The following KAZN variants were observed in gnomAD, a reference collection of about 807,000 sequenced individuals.
KAZN encodes the protein kazrin.
In KAZN, 40 loss-of-function variants were observed where a neutral mutation model predicts 87.4. The observed-to-expected ratio is 0.46, with a 90% CI of 0.36 to 0.60. The LOEUF (loss-of-function observed/expected upper bound fraction) is 0.60, where lower values mean the gene tolerates loss of function less well. Ranked by LOEUF, KAZN falls within the 20% of genes least tolerant of loss-of-function variation. KAZN has a pLI of 0.00. For missense variants in KAZN, 898 were observed against 1,073.9 expected (o/e 0.84, Z 2.29); for synonymous variants, 466 against 458.3 (o/e 1.02, Z -0.22).
Position 14,373,357 on chromosome 1 carries a change from G to T in KAZN, c.249+192765G>T, listed in dbSNP as rs1014322738. Reference sequence around the variant, plus strand: ...TTCCAGTCTAAGTCCAAAGGCCTGAGAACCAGGAGTCCTGATGGTGTAAGT... The same window carrying T: ...TTCCAGTCTAAGTCCAAAGGCCTGATAACCAGGAGTCCTGATGGTGTAAGT... On this transcript the variant is annotated intron_variant, in intron 2 of 16. Transcript: ENST00000636203. 2.6e-5 allele frequency among the ~76,000 whole-genome samples: 4 copies of T among 152,248 alleles called. No homozygotes were observed. In the East Asian group the frequency reaches 7.7e-4, roughly 29 times the overall value.
chr1:14,196,528 G>C lies in KAZN; in HGVS notation c.249+15936G>C, dbSNP rs1570989054. 3.9e-5 allele frequency among the ~76,000 whole-genome samples: 6 copies of C among 152,168 alleles called. 1 individual carries two copies. The South Asian group carries it at 1.2e-3, about 32-fold the overall frequency. On this transcript the variant is annotated intron_variant, in intron 2 of 16. Coordinates refer to the KAZN transcript ENST00000636203. Reference sequence around the variant, plus strand: ...GTGAGAGAGAAAGAGAGGAGTCAAGGGCAACCCTGAGGATTTTGGCTTGGG... The same window carrying C: ...GTGAGAGAGAAAGAGAGGAGTCAAGCGCAACCCTGAGGATTTTGGCTTGGG...
intron 1 of KAZN, among the ~76,000 whole-genome samples, chr1:14,867,660 C>G (rs897366270): frequency 4.0e-5 from 6 of 151,882 alleles, no homozygotes; most frequent in African/African-American, 1.5e-4. Context: ...AGCAGTCATC[C>G]TATTCAGGTG....
chr1:13,983,562 A>G (rs1638859330), intron 1 of KAZN, among the ~76,000 whole-genome samples: 1 of 152,092 alleles, frequency 6.6e-6, no homozygotes, highest in Non-Finnish European at 1.5e-5. Flanking sequence ...ACCTCCCTGC[A>G]AGCTGAGGGA....
At position 14,558,908 on chromosome 1, in the gene KAZN, C is replaced by T. The variant is rs1335929260; in HGVS notation, c.250-40075C>T. ...CCGCAGTCTCATGGGGCATGGAGAACCAGGAGTCTCTCTCTTCTTTCTTCA... is the reference window on the plus strand; with the variant it reads ...CCGCAGTCTCATGGGGCATGGAGAATCAGGAGTCTCTCTCTTCTTTCTTCA... On this transcript the variant is annotated intron_variant, in intron 2 of 16. Coordinates refer to the KAZN transcript ENST00000636203. Among the ~76,000 whole-genome samples the T allele has an allele frequency of 4.6e-5, 7 of 152,266 alleles. No individual in the cohort carries two copies. The East Asian group carries it at 9.7e-4, about 21-fold the overall frequency.
chr1:14,813,820 C>T (rs1243530436), intron 1 of KAZN, among the ~76,000 whole-genome samples: 4 of 152,150 alleles, frequency 2.6e-5, no homozygotes, highest in Non-Finnish European at 4.4e-5. Context: ...GAAAATAATA[C>T]CTCATTCAGG....
At chr1:14,014,770 GAA>G in intron 1 of KAZN, among the ~76,000 whole-genome samples, 1 of 152,300 alleles carries the variant, frequency 6.6e-6, no homozygotes, top group East Asian at 1.9e-4. Context: ...GAGAGGGTGA[GAA>G]AGTGGAGCCC....
At chr1:14,589,363 A>G (rs1676053534) in intron 2 of KAZN, among the ~76,000 whole-genome samples, 1 of 151,536 alleles carries the variant, frequency 6.6e-6, no homozygotes, top group Non-Finnish European at 1.5e-5. Flanking sequence ...GGGGCAGTCA[A>G]TTAAGATAAA....
chr1:14,608,147 G>A (rs755023016), intron 1 of KAZN, among the ~76,000 whole-genome samples: 2 of 152,230 alleles, frequency 1.3e-5, no homozygotes, highest in African/African-American at 4.8e-5. Context: ...ATATCCAGAT[G>A]TCACTATCAG....
At chr1:14,763,583 C>A (rs1489702396) in intron 1 of KAZN, among the ~76,000 whole-genome samples, 1 of 152,082 alleles carries the variant, frequency 6.6e-6, no homozygotes, top group African/African-American at 2.4e-5. Context: ...GCAGTGAGCT[C>A]GGAATGATGC....
At chr1:14,921,645 A>C (rs1459579821) in intron 1 of KAZN, among the ~76,000 whole-genome samples, 1 of 152,202 alleles carries the variant, frequency 6.6e-6, no homozygotes. Flanking sequence ...TACCAAATCC[A>C]AGTGACAGGA....
chr1:13,952,367 A>ATC, intron 1 of KAZN, among the ~76,000 whole-genome samples: 1 of 144,032 alleles, frequency 6.9e-6, no homozygotes, highest in Non-Finnish European at 1.6e-5. Flanking sequence ...TAATAATAAT[A>ATC]ATAATAATAA....
chr1:15,056,993 G>A lies in KAZN; in HGVS notation c.916+713G>A, dbSNP rs1638340662. 6.6e-6 allele frequency among the ~76,000 whole-genome samples: 1 copy of A among 152,266 alleles called. No individual in the cohort carries two copies. The highest frequency in any genetic ancestry group is 6.5e-5 in the Admixed American group (1 of 15,282). The stretch of plus-strand genomic sequence containing the variant: ...GAACAGGCATCCAGCAGCAGCCAAT[G>A]CACCAGAGGTAAGAGCTGGTCACTG... On this transcript the variant is annotated intron_variant, in intron 5 of 14. Transcript: ENST00000376030. The surrounding 1 kb of genome is among the most constrained non-coding windows in gnomAD (Gnocchi z 5.4).
Position 14,773,030 on chromosome 1 carries a change from C to T in KAZN, c.226+173807C>T, listed in dbSNP as rs1157025483. 2.0e-5 allele frequency among the ~76,000 whole-genome samples: 3 copies of T among 152,072 alleles called. No individual in the cohort carries two copies. The highest frequency in any genetic ancestry group is 4.4e-5 in the Non-Finnish European group (3 of 68,016). On this transcript the variant is annotated intron_variant, in intron 1 of 14. Coordinates refer to ENST00000376030, the MANE Select transcript of KAZN (RefSeq NM_201628.3). The surrounding 1 kb of genome is among the most constrained non-coding windows in gnomAD (Gnocchi z 5.9). ...GAATGGTATGAATGTCCACAGGCGG[C>T]CTCTTCATGGGGGTCTCAGGAAATG...
chr1:15,015,419 G>A (rs532127832), intron 2 of KAZN, among the ~76,000 whole-genome samples: 20 of 152,244 alleles, frequency 1.3e-4, no homozygotes, highest in South Asian at 4.2e-4. Context: ...CCAAAGTGTT[G>A]GGATTATAGG....
intron 1 of KAZN, among the ~76,000 whole-genome samples, chr1:14,853,472 T>C (rs1649705230): frequency 6.6e-6 from 1 of 152,158 alleles, no homozygotes; most frequent in African/African-American, 2.4e-5. Context: ...ATTTCTCAGA[T>C]GGGGCATCTG....
Position 14,771,597 on chromosome 1 carries a change from G to A in KAZN, c.226+172374G>A, listed in dbSNP as rs556617564. Among the ~76,000 whole-genome samples the A allele has an allele frequency of 2.0e-4, 31 of 152,152 alleles. No individual in the cohort carries two copies. The South Asian group carries it at 4.8e-3, about 23-fold the overall frequency. ...TCCCAGCACTTTGGGAGGCCAAGGC[G>A]GGCAAATCACCTGAGGTCATGAGTT... On this transcript the variant is annotated intron_variant, in intron 1 of 14. Transcript: ENST00000376030.
chr1:14,765,885 C>T (rs1490639217), intron 1 of KAZN, among the ~76,000 whole-genome samples: 1 of 152,152 alleles, frequency 6.6e-6, no homozygotes, highest in East Asian at 1.9e-4. Flanking sequence ...CTGGGTGACC[C>T]GCTGATGACA....
rs1196164073 is a variant in KAZN, at chr1:14,924,324, C to T, written c.227-36360C>T. The T allele has an allele frequency of 5.2e-5, 51 of 986,622 alleles. No individual in the cohort carries two copies. In the East Asian group the frequency reaches 5.6e-4, roughly 11 times the overall value. 61.1% of individuals were successfully genotyped at this position (986,622 alleles called of 1,614,324 possible). On this transcript the variant is annotated intron_variant, in intron 1 of 14. Transcript: ENST00000376030. ...TGAGCCCGGCGCGCGCCGTCGGAGC[C>T]CCTCGCGCAGCCGCTGGTAGCGTCC...
At chr1:14,065,032 A>G (rs907485645) in intron 1 of KAZN, among the ~76,000 whole-genome samples, 1 of 152,102 alleles carries the variant, frequency 6.6e-6, no homozygotes, top group African/African-American at 2.4e-5. Flanking sequence ...GGCCCTGGGT[A>G]TATCTAGATG....
Sources: gnomAD v4.1 joint callset for allele counts (sites outside exome capture counted in the v4.1 genomes callset) on GRCh38, gnomAD v4.1.1 for gene constraint, Gnocchi (gnomAD v3.1) non-coding constraint, MANE v1.5 for transcripts, NCBI Gene and HGNC (gene_info 2026-07-23, HGNC 2026-07-21) for gene names.